The following RNGTT variants were observed in gnomAD, a reference collection of about 807,000 sequenced individuals.
RNGTT encodes mRNA-capping enzyme.
A neutral mutation model predicts 79.3 loss-of-function variants in RNGTT; 33 were observed. The observed-to-expected ratio is 0.42, with a 90% confidence interval of 0.32 to 0.56. The LOEUF (loss-of-function observed/expected upper bound fraction) is 0.56, where lower values mean the gene tolerates loss of function less well. RNGTT is among the 20% of genes least tolerant of loss of function. RNGTT has a pLI of 0.17. For missense variants in RNGTT, 497 were observed against 739.1 expected (o/e 0.67, Z 3.80); for synonymous variants, 222 against 235.9 (o/e 0.94, Z 0.54).
At chr6:88,928,884 A>C in intron 4 of RNGTT, 101 bp downstream of exon 4, 2 of 789,728 alleles carry the variant, frequency 2.5e-6, no homozygotes, top group Non-Finnish European at 4.2e-6. Context: ...TCATTATTTA[A>C]AACAGAAAAA....
chr6:88,931,187 T>TA (rs34070183), intron 2 of RNGTT, among the ~76,000 whole-genome samples: 4,796 of 101,886 alleles, frequency 0.047, 299 homozygotes, highest in African/African-American at 0.15. Flanking sequence ...TATAAAGCTG[T>TA]AAAAAAAAAA....
chr6:88,761,608 G>A (rs1262668181), intron 13 of RNGTT, among the ~76,000 whole-genome samples: 2 of 152,124 alleles, frequency 1.3e-5, no homozygotes, highest in Non-Finnish European at 2.9e-5. Flanking sequence ...TAAATCCACA[G>A]TTGGCAAACT....
In RNGTT at chr6:88,836,599, G is replaced by A. The variant is rs187024919; in HGVS notation, c.1269+7758C>T. 9.4e-4 allele frequency among the ~76,000 whole-genome samples: 143 copies of A among 152,040 alleles called. 1 individual carries two copies. Among genetic ancestry groups the A allele is most frequent in the Admixed American group, 4.5e-3 (68 of 15,238 alleles). ...TCTACAAAAGATACAAAAATTAGCC[G>A]GGCATGATAACACGTGCTTATAGTC... On this transcript the variant is annotated intron_variant, in intron 11 of 15. Transcript: ENST00000369485.
At chr6:88,865,182 T>C (rs1367913870) in intron 8 of RNGTT, among the ~76,000 whole-genome samples, 2 of 152,080 alleles carry the variant, frequency 1.3e-5, no homozygotes, top group African/African-American at 4.8e-5. Context: ...TACACAGTAA[T>C]ATAGTATCAG....
intron 6 of RNGTT, among the ~76,000 whole-genome samples, chr6:88,902,347 C>T (rs1046326773): frequency 2.0e-5 from 3 of 152,146 alleles, no homozygotes; most frequent in Non-Finnish European, 4.4e-5. Context: ...CACCTATAAT[C>T]CTACTACTTT....
At chr6:88,856,580 T>C (rs1781852618) in intron 8 of RNGTT, among the ~76,000 whole-genome samples, 1 of 152,214 alleles carries the variant, frequency 6.6e-6, no homozygotes, top group Non-Finnish European at 1.5e-5. Flanking sequence ...AAGGATAGCT[T>C]CTGCATCTGC....
intron 11 of RNGTT, among the ~76,000 whole-genome samples, chr6:88,817,939 TTA>T (rs1780373570): frequency 6.6e-6 from 1 of 151,698 alleles, no homozygotes; most frequent in Admixed American, 6.6e-5. Context: ...TTTTGTACTT[TTA>T]GTAGAAACGG....
chr6:88,668,667 C>A (rs1774510930), intron 14 of RNGTT, among the ~76,000 whole-genome samples: 1 of 152,160 alleles, frequency 6.6e-6, no homozygotes, highest in Non-Finnish European at 1.5e-5. Context: ...GTCTTACAAC[C>A]TGTCTGAGCC....
At chr6:88,827,381 G>A (rs1375307021) in intron 11 of RNGTT, among the ~76,000 whole-genome samples, 1 of 152,202 alleles carries the variant, frequency 6.6e-6, no homozygotes, top group Non-Finnish European at 1.5e-5. Flanking sequence ...TCTTCCCACA[G>A]TCTTTGCAAC....
At chr6:88,944,000 A>G (rs2127959805) in intron 1 of RNGTT, among the ~76,000 whole-genome samples, 1 of 152,354 alleles carries the variant, frequency 6.6e-6, no homozygotes, top group South Asian at 2.1e-4. Flanking sequence ...AATCACCAAT[A>G]TCAAAGGCAA....
chr6:88,918,922 GTAA>G (rs1784080521), intron 4 of RNGTT, among the ~76,000 whole-genome samples: 1 of 151,602 alleles, frequency 6.6e-6, no homozygotes, highest in Non-Finnish European at 1.5e-5. Flanking sequence ...AATAGGAAAT[GTAA>G]TAATAATTGC....
intron 11 of RNGTT, among the ~76,000 whole-genome samples, chr6:88,831,518 G>GA (rs1390159908): frequency 6.6e-6 from 1 of 152,178 alleles, no homozygotes; most frequent in Non-Finnish European, 1.5e-5. Context: ...CATTCCCTTT[G>GA]AAAACCAGCA....
At chr6:88,917,764 G>A (rs770508204) in intron 4 of RNGTT, among the ~76,000 whole-genome samples, 4 of 152,086 alleles carry the variant, frequency 2.6e-5, no homozygotes, top group Non-Finnish European at 4.4e-5. Context: ...GCGGTTGCCT[G>A]TAATCCCAGC....
At chr6:88,807,991 CT>C (rs1236708081) in intron 11 of RNGTT, among the ~76,000 whole-genome samples, 2 of 152,026 alleles carry the variant, frequency 1.3e-5, no homozygotes, top group African/African-American at 4.8e-5. Context: ...CAGTAGAGTT[CT>C]TTTTCAGACA....
intron 13 of RNGTT, among the ~76,000 whole-genome samples, chr6:88,697,438 C>A (rs1320650459): frequency 6.6e-5 from 10 of 152,116 alleles, no homozygotes; most frequent in Non-Finnish European, 8.8e-5. Flanking sequence ...ATAGTCCCAG[C>A]TGCTCAGGAG....
At chr6:88,688,800 C>T (rs1329767873) in intron 13 of RNGTT, among the ~76,000 whole-genome samples, 1 of 152,216 alleles carries the variant, frequency 6.6e-6, no homozygotes, top group Non-Finnish European at 1.5e-5. Flanking sequence ...TCTGTCCTCA[C>T]TGAGACAGCA....
rs115099010 is a variant in RNGTT at position 88,704,301 on chromosome 6, C to T, written c.1440-25882G>A. ...AAAAAAAAAAAGACAGACTTCAATC[C>T]TTTGTTTTGTTGCTGTGATTTGTTT... On this transcript the variant is annotated intron_variant, in intron 13 of 15. Transcript: ENST00000369485. 8.1e-3 allele frequency among the ~76,000 whole-genome samples: 1,196 copies of T among 147,092 alleles called. 20 individuals are homozygous for T. Among genetic ancestry groups the T allele is most frequent in the African/African-American group, 0.028 (1,125 of 39,878 alleles).
At chr6:88,907,291 T>C (rs1235623096) in intron 4 of RNGTT, among the ~76,000 whole-genome samples, 1 of 152,198 alleles carries the variant, frequency 6.6e-6, no homozygotes, top group East Asian at 1.9e-4. Flanking sequence ...GACTGAATCA[T>C]GGAGGTGGTT....
chr6:88,628,532 T>C (rs1049607649), intron 14 of RNGTT, among the ~76,000 whole-genome samples: 1 of 152,146 alleles, frequency 6.6e-6, no homozygotes, highest in Non-Finnish European at 1.5e-5. Flanking sequence ...TCAAAATTAA[T>C]TTAAGGTTTA....
Sources: gnomAD v4.1 joint callset for allele counts (sites outside exome capture counted in the v4.1 genomes callset) on GRCh38, gnomAD v4.1.1 for gene constraint, MANE v1.5 for transcripts, NCBI Gene and HGNC (gene_info 2026-07-23, HGNC 2026-07-21) for gene names.